The following HECW1 variants were observed in gnomAD, a reference collection of about 807,000 sequenced individuals.
HECW1 encodes E3 ubiquitin-protein ligase HECW1.
HECW1 carries 61 observed loss-of-function variants against 182.3 expected under a neutral mutation model. That is an observed-to-expected ratio of 0.33 (90% CI 0.27 to 0.41). The LOEUF is 0.41. HECW1 is among the 10% of genes least tolerant of loss of function. The pLI, the probability that HECW1 is intolerant of heterozygous loss-of-function variation, is 1.00. For missense variants in HECW1, 1,739 were observed against 2,108.9 expected (o/e 0.82, Z 3.44); for synonymous variants, 859 against 832.6 (o/e 1.03, Z -0.55).
intron 9 of HECW1, chr7:43,440,139 G>A (rs558221520): frequency 2.0e-5 from 3 of 152,460 alleles, no homozygotes; most frequent in East Asian, 3.9e-4. Flanking sequence ...CATGCAGCCT[G>A]AGCCATGGCA....
intron 8 of HECW1, among the ~76,000 whole-genome samples, chr7:43,436,681 C>T (rs771655273): frequency 2.6e-5 from 4 of 152,184 alleles, no homozygotes; most frequent in African/African-American, 7.2e-5. Flanking sequence ...TTTTCAGTTA[C>T]TTCAGGCCAT....
chr7:43,272,928 A>G (rs917583277), intron 3 of HECW1, among the ~76,000 whole-genome samples: 1 of 152,234 alleles, frequency 6.6e-6, no homozygotes, highest in Non-Finnish European at 1.5e-5. Flanking sequence ...CTAGGTGTCC[A>G]TCAGTTGTGG....
chr7:43,185,414 C>CAG (rs34840204), intron 2 of HECW1, among the ~76,000 whole-genome samples: 36,599 of 152,066 alleles, frequency 0.24, 4,571 homozygotes, highest in Middle Eastern at 0.26. Context: ...GGAACTGTCT[C>CAG]AATTATAGGT....
intron 5 of HECW1, among the ~76,000 whole-genome samples, chr7:43,351,254 G>T (rs1814401162): frequency 6.6e-6 from 1 of 152,176 alleles, no homozygotes; most frequent in African/African-American, 2.4e-5. Context: ...ACCAGTGCCT[G>T]TTCTGGTGGA....
chr7:43,197,266 A>G (rs1269305992), intron 2 of HECW1, among the ~76,000 whole-genome samples: 1 of 152,138 alleles, frequency 6.6e-6, no homozygotes, highest in Admixed American at 6.5e-5. Flanking sequence ...CAGTCTTACC[A>G]TGGTAGGAAC....
chr7:43,370,262 C>T (rs1817166151), intron 6 of HECW1, among the ~76,000 whole-genome samples: 1 of 152,138 alleles, frequency 6.6e-6, no homozygotes, highest in Non-Finnish European at 1.5e-5. Flanking sequence ...AGATGCCCAA[C>T]AATATATGTC....
At chr7:43,149,790 C>G (rs1789103362) in intron 2 of HECW1, among the ~76,000 whole-genome samples, 1 of 152,070 alleles carries the variant, frequency 6.6e-6, no homozygotes, top group African/African-American at 2.4e-5. Context: ...TACATTAACA[C>G]ACTCATACAA....
intron 2 of HECW1, among the ~76,000 whole-genome samples, chr7:43,119,423 C>T (rs1785365265): frequency 6.6e-6 from 1 of 152,106 alleles, no homozygotes; most frequent in African/African-American, 2.4e-5. Flanking sequence ...TTTGGATGGC[C>T]CCTGAGTTTT....
At chr7:43,171,428 C>T (rs948956054) in intron 2 of HECW1, among the ~76,000 whole-genome samples, 2 of 152,108 alleles carry the variant, frequency 1.3e-5, no homozygotes, top group Admixed American at 6.6e-5. Context: ...CTTGAATGAA[C>T]GTTGAAAAGT....
Position 43,444,370 on chromosome 7 carries a change from A to C in HECW1, c.1198A>C (p.Ser400Arg). 6.2e-7 allele frequency: 1 copy of C among 1,614,090 alleles called. No individual in the cohort carries two copies. The highest frequency in any genetic ancestry group is 8.5e-7 in the Non-Finnish European group (1 of 1,179,994). Residue 400 changes from serine (S) to arginine (R), a missense_variant, in exon 11 of 30, where the codon AGT becomes CGT. Physicochemically the swap from Ser to Arg is moderately radical, Grantham distance 110. This residue lies in a region of HECW1 where 971 missense variants were observed against 1,029.1 expected (regional missense o/e 0.94). Coordinates refer to ENST00000395891, the MANE Select transcript of HECW1 (RefSeq NM_015052.5). The surrounding 1 kb of genome is among the most constrained non-coding windows in gnomAD (Gnocchi z 4.3). Reference protein sequence around the residue: ...SWKPEQLGEGSVPDGPGNQSI... With the variant: ...SWKPEQLGEGRVPDGPGNQSI... ...GAAGCCAGAGCAGCTGGGTGAGGGC[A>C]GTGTCCCCGATGGTCCAGGGAACCA...
chr7:43,457,711 G>A (rs926426218), intron 13 of HECW1, among the ~76,000 whole-genome samples: 63 of 151,148 alleles, frequency 4.2e-4, no homozygotes, highest in African/African-American at 1.5e-3. Flanking sequence ...GGAGGCAGAG[G>A]TTGCAGTGAG....
At chr7:43,543,829 C>G (rs11764232) in intron 26 of HECW1, among the ~76,000 whole-genome samples, 1 of 151,542 alleles carries the variant, frequency 6.6e-6, no homozygotes, top group Non-Finnish European at 1.5e-5. Flanking sequence ...CATTTAACTT[C>G]CCTGCCATGT....
intron 5 of HECW1, among the ~76,000 whole-genome samples, chr7:43,347,863 T>A (rs1236366161): frequency 6.6e-6 from 1 of 152,228 alleles, no homozygotes; most frequent in East Asian, 1.9e-4. Flanking sequence ...ATCCCTCTTA[T>A]AAAACCCATT....
chr7:43,385,969 A>C (rs11983947), intron 6 of HECW1, among the ~76,000 whole-genome samples: 2 of 152,168 alleles, frequency 1.3e-5, no homozygotes, highest in Non-Finnish European at 2.9e-5. Context: ...GGAAAAGCCT[A>C]CTTTCAAGCT....
intron 8 of HECW1, among the ~76,000 whole-genome samples, chr7:43,436,175 A>G (rs1216116375): frequency 2.6e-5 from 4 of 151,718 alleles, no homozygotes; most frequent in Non-Finnish European, 5.9e-5. Context: ...AAAAAAAAAA[A>G]AAAAAAAAAA....
intron 8 of HECW1, among the ~76,000 whole-genome samples, chr7:43,409,387 G>T (rs1022673242): frequency 2.0e-5 from 3 of 151,810 alleles, no homozygotes; most frequent in African/African-American, 4.9e-5. Flanking sequence ...AATTTATTTT[G>T]TATGGGGGGA....
In HECW1 at chr7:43,450,765, C is replaced by CT. The variant is rs1350785440; in HGVS notation, c.2399-57dup. 4.8e-6 allele frequency: 5 copies of CT among 1,049,518 alleles called. No homozygotes were observed. In the East Asian group the frequency reaches 1.2e-4, roughly 25 times the overall value. The allele number at this position is 1,049,518 out of a possible 1,614,324, so 65.0% of individuals were successfully genotyped here. On this transcript the variant is annotated intron_variant, in intron 11 of 29. Coordinates refer to ENST00000395891, the MANE Select transcript of HECW1 (RefSeq NM_015052.5). ...TGTAGTGCTTAGTTTTACAGTCATG[C>CT]TTTTTTGATGATGTTGCCACGGCAG... is the stretch of plus-strand genomic sequence containing the variant.
intron 16 of HECW1, among the ~76,000 whole-genome samples, chr7:43,472,660 G>A (rs531028272): frequency 6.6e-6 from 1 of 151,978 alleles, no homozygotes; most frequent in Non-Finnish European, 1.5e-5. Context: ...ATTAAGGTGA[G>A]CAGATTAATT....
At chr7:43,274,109 C>T in intron 3 of HECW1, 1 of 387,038 alleles carries the variant, frequency 2.6e-6, no homozygotes, top group Non-Finnish European at 4.6e-6. Context: ...CCTCGGCCTC[C>T]CAAAGTGCTG....
Sources: allele counts gnomAD v4.1 joint callset (sites outside exome capture counted in the v4.1 genomes callset), GRCh38; gene constraint gnomAD v4.1.1; regional missense constraint gnomAD v4.1.1; non-coding constraint Gnocchi (gnomAD v3.1); transcripts MANE v1.5; gene names NCBI Gene and HGNC (gene_info 2026-07-23, HGNC 2026-07-21).